MTG1: variants seen among roughly 807,000 people sequenced by gnomAD.
MTG1 encodes mitochondrial ribosome associated GTPase 1.
Under a neutral mutation model 39.5 loss-of-function variants are expected in MTG1, and 30 were observed. The ratio of observed to expected loss-of-function variants is 0.76; its 90% confidence interval spans 0.57 to 1.03. The LOEUF is 1.03. Ranked by LOEUF, MTG1 falls within the 50% of genes least tolerant of loss-of-function variation. The pLI is 0.00. For missense variants in MTG1, 513 were observed against 447.4 expected (o/e 1.15, Z -1.32); for synonymous variants, 217 against 179.0 (o/e 1.21, Z -1.69).
At chr10:133,409,314 G>T (rs1239217801) in intron 9 of MTG1, among the ~76,000 whole-genome samples, 4 of 152,096 alleles carry the variant, frequency 2.6e-5, no homozygotes, top group African/African-American at 9.7e-5. Context: ...ATTCAGGAGC[G>T]TGTTGTTTAA....
chr10:133,404,904 C>A (rs760272805), intron 9 of MTG1, among the ~76,000 whole-genome samples: 1 of 152,146 alleles, frequency 6.6e-6, no homozygotes, highest in Non-Finnish European at 1.5e-5. Context: ...TGTGACCGAC[C>A]GTCTTGGTAA....
intron 9 of MTG1, among the ~76,000 whole-genome samples, chr10:133,408,749 T>C (rs80109646): frequency 0.026 from 3,916 of 152,320 alleles, 109 homozygotes; most frequent in African/African-American, 0.069. Context: ...GTTCAAGTTT[T>C]TCCATTTCTT....
At chr10:133,403,527 A>T (rs143671511) in intron 9 of MTG1, among the ~76,000 whole-genome samples, 1,726 of 152,336 alleles carry the variant, frequency 0.011, 15 homozygotes, top group South Asian at 0.035. Context: ...AGATGGAATC[A>T]CACAGGATGT....
intron 6 of MTG1, among the ~76,000 whole-genome samples, chr10:133,401,176 C>G (rs1205856721): frequency 6.6e-6 from 1 of 152,150 alleles, no homozygotes; most frequent in Non-Finnish European, 1.5e-5. Flanking sequence ...AGGAGCAGCT[C>G]AGGTCTGACC....
intron 9 of MTG1, among the ~76,000 whole-genome samples, chr10:133,407,370 A>T (rs1275281689): frequency 6.6e-6 from 1 of 152,098 alleles, no homozygotes; most frequent in Non-Finnish European, 1.5e-5. Context: ...AAATCTGTAA[A>T]TTGCTTTGGG....
chr10:133,404,597 C>T lies in MTG1; in HGVS notation c.752+1824C>T, dbSNP rs113622945. On this transcript the variant is annotated intron_variant, in intron 9 of 10. Transcript: ENST00000317502. ...TATCAGCTAGATCTTTTCCAGAGTA[C>T]TCTTGTTGTCATATCTAAGAAATCT... 4.5e-3 allele frequency among the ~76,000 whole-genome samples: 686 copies of T among 152,250 alleles called. 8 individuals carry two copies. The highest frequency in any genetic ancestry group is 0.013 in the African/African-American group (550 of 41,544).
chr10:133,395,210 A>G (rs1849763120), intron 1 of MTG1, among the ~76,000 whole-genome samples: 1 of 152,176 alleles, frequency 6.6e-6, no homozygotes, highest in Non-Finnish European at 1.5e-5. Context: ...CCTGGCCAGC[A>G]TGGTGAAACC....
intron 6 of MTG1, chr10:133,399,844 T>C (rs1849846945): frequency 4.1e-6 from 2 of 484,874 alleles, no homozygotes; most frequent in South Asian, 3.6e-5. Context: ...TTTTCTCTCT[T>C]TTAAAATCTT....
chr10:133,415,804 C>T (rs1215983667), intron 9 of MTG1, among the ~76,000 whole-genome samples: 2 of 152,160 alleles, frequency 1.3e-5, no homozygotes, highest in East Asian at 3.8e-4. Flanking sequence ...TTTTCTGTCC[C>T]TCTACTCCTC....
chr10:133,402,345 T>TA lies in MTG1; in HGVS notation c.670+101dup. The TA allele has an allele frequency of 5.7e-6, 8 of 1,408,554 alleles. No homozygotes were observed. In the South Asian group the frequency reaches 9.2e-5, roughly 16 times the overall value. 87.3% of individuals were successfully genotyped at this position (1,408,554 alleles called of 1,614,324 possible). ...CACAGGGCCCCTAGACGGGAGTTGTTACTGCCTTTGACCTGGTTGCTGCCA... is the reference window on the plus strand; with the variant it reads ...CACAGGGCCCCTAGACGGGAGTTGTTAACTGCCTTTGACCTGGTTGCTGCCA... On this transcript the variant is annotated intron_variant, in intron 8 of 10. Coordinates refer to ENST00000317502, the MANE Select transcript of MTG1 (RefSeq NM_138384.4). The surrounding 1 kb of genome is among the most constrained non-coding windows in gnomAD (Gnocchi z 4.7).
rs1036090622 is a variant in MTG1, at chr10:133,399,428, G to T, written c.421-101G>T. On this transcript the variant is annotated intron_variant, in intron 5 of 10. Transcript: ENST00000317502. The stretch of plus-strand genomic sequence containing the variant: ...TCGGCGTTAACCTCCCTTCTTCCCT[G>T]AGCTGACCTGGCCTGGGGTCCCCTT... The T allele has an allele frequency of 5.4e-6, 7 of 1,304,716 alleles. No homozygotes were observed. The African/African-American group carries it at 8.7e-5, about 16-fold the overall frequency. The allele number at this position is 1,304,716 out of a possible 1,614,324, so 80.8% of individuals were successfully genotyped here.
At position 133,399,577 on chromosome 10, in the gene MTG1, T is replaced by A. The variant is rs998948270; in HGVS notation, c.469T>A (p.Ser157Thr). The A allele has an allele frequency of 6.2e-7, 1 of 1,614,024 alleles. No homozygotes were observed. The highest frequency in any genetic ancestry group is 1.3e-5 in the African/African-American group (1 of 74,918). The change falls in exon 6 of 11, where the codon TCC becomes ACC. Residue 157 changes from serine to threonine, a missense_variant. Coordinates refer to ENST00000317502, the MANE Select transcript of MTG1 (RefSeq NM_138384.4). ...CATTGGGGTCCCCAACGTGGGCAAG[T>A]CCTCCCTCATCAACTCCCTCCGGAG... ...MVIGVPNVGK[S>T]SLINSLRRQH...
Position 133,402,623 on chromosome 10 carries a change from T to C in MTG1, c.671-69T>C. On this transcript the variant is annotated intron_variant, in intron 8 of 10. Transcript: ENST00000317502. This position sits in a 1 kb window ranked among gnomAD's most constrained non-coding sequence, Gnocchi z 4.7. ...GTCTTTGGGCTAGGACTGGAAGGGA[T>C]GTGTTTGAACTTGGCAGGAACATAG... is the stretch of plus-strand genomic sequence containing the variant. 1 of 1,372,606 alleles carries C rather than the reference T, an allele frequency of 7.3e-7. No homozygotes were observed. Among genetic ancestry groups the C allele is most frequent in the East Asian group, 2.5e-5 (1 of 40,470 alleles). 85.0% of individuals were successfully genotyped at this position (1,372,606 alleles called of 1,614,324 possible).
intron 3 of MTG1, 54 bp downstream of exon 3, chr10:133,396,321 T>C: frequency 6.7e-7 from 1 of 1,485,106 alleles, no homozygotes. Context: ...TTTCCCGAGG[T>C]CGCTTGTTCT....
At chr10:133,412,416 T>C (rs1259690641) in intron 9 of MTG1, among the ~76,000 whole-genome samples, 3 of 152,254 alleles carry the variant, frequency 2.0e-5, no homozygotes, top group African/African-American at 7.2e-5. Flanking sequence ...AACTCATTTA[T>C]TCATTCTATT....
intron 9 of MTG1, among the ~76,000 whole-genome samples, chr10:133,412,474 AT>A (rs1277064787): frequency 6.6e-6 from 1 of 152,158 alleles, no homozygotes; most frequent in African/African-American, 2.4e-5. Flanking sequence ...CAATTATGTC[AT>A]TTGCAAATAA....
intron 1 of MTG1, 26 bp from the exon 2 acceptor site, chr10:133,395,687 C>T (rs1849771403): frequency 1.2e-6 from 2 of 1,612,612 alleles, no homozygotes; most frequent in Non-Finnish European, 8.5e-7. Context: ...TGAGCCCCTT[C>T]GCTGAGGCGT....
At chr10:133,412,985 A>G (rs1021979836) in intron 9 of MTG1, among the ~76,000 whole-genome samples, 2 of 152,228 alleles carry the variant, frequency 1.3e-5, no homozygotes, top group African/African-American at 4.8e-5. Flanking sequence ...TGTTAGGTAC[A>G]GAAACGCTCA....
At chr10:133,394,374 C>G (rs368531511) in intron 1 of MTG1, 42 bp downstream of exon 1, 4 of 1,419,616 alleles carry the variant, frequency 2.8e-6, no homozygotes, top group Non-Finnish European at 3.7e-6. Flanking sequence ...CCTACGGCCG[C>G]GGCGCCTCTG....
Sources: gnomAD v4.1 joint callset for allele counts (sites outside exome capture counted in the v4.1 genomes callset) on GRCh38, gnomAD v4.1.1 for gene constraint, Gnocchi (gnomAD v3.1) non-coding constraint, MANE v1.5 for transcripts, NCBI Gene and HGNC (gene_info 2026-07-23, HGNC 2026-07-21) for gene names.